Variants in IMPACT observed in about 807,000 individuals in gnomAD.
IMPACT encodes the protein impact RWD domain protein.
A neutral mutation model predicts 47.5 loss-of-function variants in IMPACT; 35 were observed. That is an observed-to-expected ratio of 0.74 (90% CI 0.56 to 0.98). The LOEUF is 0.98. IMPACT is among the 50% of genes least tolerant of loss of function. The probability of loss-of-function intolerance (pLI) is 0.00; values close to 1 mark genes in which losing one functional copy is unlikely to be tolerated. For synonymous variants in IMPACT, 118 were observed against 125.6 expected, an observed-to-expected ratio of 0.94 and a Z score of 0.40; for missense variants, 373 against 394.8, an observed-to-expected ratio of 0.94 and a Z score of 0.47.
At chr18:24,433,184 CTTTTT>C (rs35543338) in intron 4 of IMPACT, among the ~76,000 whole-genome samples, 7 of 81,098 alleles carry the variant, frequency 8.6e-5, no homozygotes, top group Admixed American at 4.0e-4. Context: ...ACTTTTAAAA[CTTTTT>C]TTTTTTTTTT....
chr18:24,433,324 C>G lies in IMPACT; in HGVS notation c.281+2940C>G, dbSNP rs866217247. On this transcript the variant is annotated intron_variant, in intron 4 of 10. Transcript: ENST00000284202. ...ACGCCATTCTCCTGCCTCAGCCTCCCGAGTAGCTGGGACTACAGGCGCCCG... is the reference window on the plus strand; with the variant it reads ...ACGCCATTCTCCTGCCTCAGCCTCCGGAGTAGCTGGGACTACAGGCGCCCG... Among the ~76,000 whole-genome samples the G allele has an allele frequency of 1.9e-3, 280 of 149,514 alleles. 2 individuals carry two copies. Among genetic ancestry groups the G allele is most frequent in the Middle Eastern group, 0.01 (3 of 290 alleles).
rs1180489867 is a variant in IMPACT at position 24,449,848 on chromosome 18, A to G, written c.789A>G (p.Val263=). 6.2e-7 allele frequency: 1 copy of G among 1,612,828 alleles called. No homozygotes were observed. The highest frequency in any genetic ancestry group is 8.5e-7 in the Non-Finnish European group (1 of 1,179,416). ...EILNVKNVMV[V]VSRWYGGILL... The stretch of plus-strand genomic sequence containing the variant: ...TGAATGTGAAGAATGTCATGGTGGT[A>G]GTATCACGCTGGTATGGAGGGATTC... The change falls in exon 10 of 11, where the codon GTA becomes GTG. Residue 263 remains valine (V), a synonymous_variant. Coordinates refer to ENST00000284202, the MANE Select transcript of IMPACT (RefSeq NM_018439.4).
At chr18:24,433,876 G>A (rs1385683943) in intron 4 of IMPACT, among the ~76,000 whole-genome samples, 1 of 151,088 alleles carries the variant, frequency 6.6e-6, no homozygotes, top group Non-Finnish European at 1.5e-5. Context: ...TCAGCATTTT[G>A]GCCAGGCTGG....
intron 4 of IMPACT, 85 bp downstream of exon 4, chr18:24,430,469 C>G: frequency 1.1e-6 from 1 of 933,832 alleles, no homozygotes; most frequent in Non-Finnish European, 1.6e-6. Context: ...TTTGTTAGAA[C>G]CTCTCTAAAC....
At chr18:24,433,558 G>A (rs1908820742) in intron 4 of IMPACT, among the ~76,000 whole-genome samples, 1 of 150,362 alleles carries the variant, frequency 6.7e-6, no homozygotes, top group African/African-American at 2.5e-5. Context: ...TTGAACTCCT[G>A]TGCTCAAGCC....
intron 8 of IMPACT, among the ~76,000 whole-genome samples, chr18:24,445,703 G>GT (rs1909233510): frequency 6.6e-6 from 1 of 152,068 alleles, no homozygotes; most frequent in African/African-American, 2.4e-5. Context: ...TCTCTGCAAA[G>GT]TTTAATTTTT....
intron 4 of IMPACT, among the ~76,000 whole-genome samples, chr18:24,433,941 G>T (rs966117010): frequency 1.3e-5 from 2 of 152,090 alleles, no homozygotes; most frequent in African/African-American, 4.8e-5. Context: ...AAAGTGCTGG[G>T]ATTACAGGCG....
rs45537836 is a variant in IMPACT at position 24,440,395 on chromosome 18, G to A, written c.368-101G>A. The A allele has an allele frequency of 0.013, 15,611 of 1,248,858 alleles. 1,449 individuals are homozygous for A. The African/African-American group carries it at 0.21, about 17-fold the overall frequency. 77.4% of individuals were successfully genotyped at this position (1,248,858 alleles called of 1,614,324 possible). The stretch of plus-strand genomic sequence containing the variant: ...TACGGGCTGAGTGCTGGTTCCTTTC[G>A]TTGAAGAGTGGTATTTAGAACCCAA... On this transcript the variant is annotated intron_variant, in intron 5 of 10. Coordinates refer to ENST00000284202, the MANE Select transcript of IMPACT (RefSeq NM_018439.4).
At chr18:24,445,552 G>A (rs990159224) in intron 8 of IMPACT, 86 bp downstream of exon 8, 14 of 743,072 alleles carry the variant, frequency 1.9e-5, no homozygotes, top group Non-Finnish European at 2.8e-5. Context: ...AATAACTATT[G>A]TGTATTTTTT....
rs34666741 is a variant in IMPACT, at chr18:24,429,782, A to AT, written c.219-525dup. Among the ~76,000 whole-genome samples the AT allele has an allele frequency of 1.6e-3, 237 of 145,218 alleles. 1 individual carries two copies. Among genetic ancestry groups the AT allele is most frequent in the Middle Eastern group, 3.5e-3 (1 of 284 alleles). On this transcript the variant is annotated intron_variant, in intron 3 of 10. Coordinates refer to ENST00000284202, the MANE Select transcript of IMPACT (RefSeq NM_018439.4). ...ATAAACATAAATGTCCTTTTAAGAA[A>AT]TTTTTTTTTTTTTTTGAGACAGAGT...
At chr18:24,437,610 C>T (rs564464123) in intron 4 of IMPACT, among the ~76,000 whole-genome samples, 2 of 152,058 alleles carry the variant, frequency 1.3e-5, no homozygotes, top group Non-Finnish European at 2.9e-5. Flanking sequence ...GATCAGACAT[C>T]GATACTGAAA....
chr18:24,441,350 G>T (rs1467497673), intron 6 of IMPACT, among the ~76,000 whole-genome samples: 14 of 152,094 alleles, frequency 9.2e-5, no homozygotes, highest in Admixed American at 8.5e-4. Flanking sequence ...ATGCCACCAT[G>T]CCTGTCTAAT....
At chr18:24,449,032 G>A (rs1288221502) in intron 9 of IMPACT, among the ~76,000 whole-genome samples, 1 of 152,156 alleles carries the variant, frequency 6.6e-6, no homozygotes, top group African/African-American at 2.4e-5. Flanking sequence ...AAACTGGTGG[G>A]CTTCACATTA....
At chr18:24,450,521 A>C (rs1476435151) in intron 10 of IMPACT, among the ~76,000 whole-genome samples, 1 of 152,198 alleles carries the variant, frequency 6.6e-6, no homozygotes, top group Admixed American at 6.5e-5. Flanking sequence ...TCAAACATAA[A>C]TCCACTAGAT....
chr18:24,430,506 A>G, intron 4 of IMPACT, 122 bp downstream of exon 4: 4 of 631,742 alleles, frequency 6.3e-6, no homozygotes, highest in Non-Finnish European at 1.1e-5. Context: ...TGCTTTAACA[A>G]AAAGGACTCA....
intron 6 of IMPACT, among the ~76,000 whole-genome samples, chr18:24,442,134 G>A (rs1374509268): frequency 2.0e-5 from 3 of 151,386 alleles, no homozygotes; most frequent in Admixed American, 2.0e-4. Context: ...ACAGAATTGA[G>A]GGTTAATTAG....
chr18:24,440,615 A>G lies in IMPACT; in HGVS notation c.487A>G (p.Thr163Ala). 6.2e-7 allele frequency: 1 copy of G among 1,612,806 alleles called. No homozygotes were observed. Among genetic ancestry groups the G allele is most frequent in the Non-Finnish European group, 8.5e-7 (1 of 1,179,374 alleles). The change falls in exon 6 of 11, where the codon ACA (threonine) becomes GCA (alanine). Residue 163 changes from threonine to alanine, a missense_variant. Physicochemically the swap from Thr to Ala is moderately conservative, Grantham distance 58. Coordinates refer to ENST00000284202, the MANE Select transcript of IMPACT (RefSeq NM_018439.4). ...GGATTTTGATATCAGTGAAACTCGG[A>G]CAGGTATAATGTTACTAACTAATTT... ...ALDFDISETR[T>A]EVEVEELPPI... is the part of the protein sequence containing the mutation.
At chr18:24,430,873 G>A (rs1908737845) in intron 4 of IMPACT, among the ~76,000 whole-genome samples, 1 of 152,198 alleles carries the variant, frequency 6.6e-6, no homozygotes, top group Admixed American at 6.5e-5. Flanking sequence ...GAATGAAATT[G>A]ATTACAGAAT....
At chr18:24,428,821 T>C (rs117962153) in intron 2 of IMPACT, 48 bp from the exon 3 acceptor site, 5 of 1,457,294 alleles carry the variant, frequency 3.4e-6, no homozygotes, top group East Asian at 2.3e-5. Flanking sequence ...ATGGTTACTT[T>C]TGAACCTTGA....
Sources: gnomAD v4.1 joint callset for allele counts (sites outside exome capture counted in the v4.1 genomes callset) on GRCh38, gnomAD v4.1.1 for gene constraint, MANE v1.5 for transcripts, NCBI Gene and HGNC (gene_info 2026-07-23, HGNC 2026-07-21) for gene names.